The following CAPN2 variants were observed in gnomAD, a reference collection of about 807,000 sequenced individuals.
CAPN2 encodes the protein calpain-2 catalytic subunit.
A neutral mutation model predicts 102.3 loss-of-function variants in CAPN2; 92 were observed. The observed-to-expected ratio is 0.90, with a 90% confidence interval of 0.76 to 1.07. The LOEUF is 1.07. Among genes scored for constraint, CAPN2 ranks in the 50% least tolerant of loss-of-function variants. CAPN2 has a pLI of 0.00. For synonymous variants in CAPN2, 340 were observed against 355.4 expected (o/e 0.96, Z 0.49); for missense variants, 800 against 909.4 (o/e 0.88, Z 1.55).
At chr1:223,712,902 G>A in intron 1 of CAPN2, 25 bp downstream of exon 1, 1 of 1,466,098 alleles carries the variant, frequency 6.8e-7, no homozygotes, top group Non-Finnish European at 9.1e-7. Flanking sequence ...GCAGGACGCG[G>A]GCAGGGCGGG....
chr1:223,769,142 C>CG (rs1414524111), intron 16 of CAPN2, among the ~76,000 whole-genome samples: 1 of 152,048 alleles, frequency 6.6e-6, no homozygotes, highest in African/African-American at 2.4e-5. Flanking sequence ...TTTTTTGAGA[C>CG]GGGGTCTCAC....
intron 12 of CAPN2, among the ~76,000 whole-genome samples, chr1:223,760,258 T>A (rs1222511473): frequency 6.6e-6 from 1 of 152,184 alleles, no homozygotes; most frequent in African/African-American, 2.4e-5. Context: ...GATGACCCCT[T>A]GGACTCTGGG....
Position 223,771,826 on chromosome 1 carries a change from C to A in CAPN2, c.1921C>A (p.Gln641Lys). Residue 641 changes from glutamine (Q) to lysine (K), a missense_variant, in exon 19 of 21, where the codon CAA becomes AAA. Gln to Lys is a moderately conservative substitution (Grantham distance 53). Coordinates refer to ENST00000295006, the MANE Select transcript of CAPN2 (RefSeq NM_001748.5). ...AACTTCAGGTTTCAAGATGCCCTGTCAACTCCACCAAGTCATCGTTGCTCG... is the reference window on the plus strand; with the variant it reads ...AACTTCAGGTTTCAAGATGCCCTGTAAACTCCACCAAGTCATCGTTGCTCG... ...LEEAGFKMPC[Q>K]LHQVIVARFA... 1 of 1,612,840 alleles carries A rather than the reference C, an allele frequency of 6.2e-7. No individual in the cohort carries two copies. The highest frequency in any genetic ancestry group is 1.1e-5 in the South Asian group (1 of 91,052).
chr1:223,704,676 G>A (rs946976437), intron 1 of CAPN2, among the ~76,000 whole-genome samples: 8 of 152,100 alleles, frequency 5.3e-5, no homozygotes, highest in South Asian at 2.1e-4. Context: ...CTGAAATGTC[G>A]GCCCTGCAAT....
chr1:223,709,049 G>A (rs1016606931), upstream of CAPN2, among the ~76,000 whole-genome samples: 3 of 152,174 alleles, frequency 2.0e-5, no homozygotes, highest in South Asian at 4.1e-4. Context: ...GGACAAGTGA[G>A]GGGAAATGAC....
chr1:223,745,210 C>T lies in CAPN2; in HGVS notation c.427-96C>T, dbSNP rs28370053. 2,381 of 1,536,926 alleles carry T rather than the reference C, an allele frequency of 1.5e-3. 29 individuals are homozygous for T. The African/African-American group carries it at 0.027, about 17-fold the overall frequency. On this transcript the variant is annotated intron_variant, in intron 3 of 20. Transcript: ENST00000295006. ...CAGGATGCGCTCATGGAACCTATCCCAGGGGATCAGGGCAAGGGGAGCCAG... is the reference window on the plus strand; with the variant it reads ...CAGGATGCGCTCATGGAACCTATCCTAGGGGATCAGGGCAAGGGGAGCCAG...
rs1199013914 is a variant in CAPN2 at position 223,717,832 on chromosome 1, G to C, written c.307+1G>C. On this transcript the variant is annotated splice_donor_variant, in intron 2 of 20. Transcript: ENST00000295006. LOFTEE classifies it high-confidence loss of function. The stretch of plus-strand genomic sequence containing the variant: ...ACAGACATCTGCCAAGGAGCCCTGG[G>C]TAAGTGATAGATTCAGAGCAAGCTG... 6.2e-7 allele frequency: 1 copy of C among 1,611,316 alleles called. No homozygotes were observed. Among genetic ancestry groups the C allele is most frequent in the Admixed American group, 1.7e-5 (1 of 60,016 alleles).
chr1:223,741,852 C>T (rs1288735492), intron 2 of CAPN2, among the ~76,000 whole-genome samples: 2 of 152,120 alleles, frequency 1.3e-5, no homozygotes, highest in African/African-American at 4.8e-5. Flanking sequence ...TCTTGGCTCA[C>T]TGCAGACTCC....
At chr1:223,749,266 G>T in intron 6 of CAPN2, 144 bp downstream of exon 6, 1 of 676,152 alleles carries the variant, frequency 1.5e-6, no homozygotes. Context: ...GTTCCGCGCG[G>T]GAGGAGAAGG....
In CAPN2 at chr1:223,752,830, C is replaced by T. The variant is rs142874360; in HGVS notation, c.1009C>T (p.Arg337Cys). ...SFSDFLRHYS[R>C]LEICNLTPDT... Reference sequence around the variant, plus strand: ...CAGTGACTTCCTGAGGCACTATTCCCGCCTGGAGATCTGTAACCTGACCCC... The same window carrying T: ...CAGTGACTTCCTGAGGCACTATTCCTGCCTGGAGATCTGTAACCTGACCCC... The change falls in exon 9 of 21, where the codon CGC becomes TGC. Residue 337 changes from arginine (R) to cysteine (C), a missense_variant. Coordinates refer to ENST00000295006, the MANE Select transcript of CAPN2 (RefSeq NM_001748.5). 421 of 1,614,136 alleles carry T rather than the reference C, an allele frequency of 2.6e-4. 3 individuals carry two copies. In the Middle Eastern group the frequency reaches 8.6e-3, roughly 33 times the overall value.
intron 2 of CAPN2, among the ~76,000 whole-genome samples, chr1:223,720,609 G>A (rs1033594672): frequency 2.0e-5 from 3 of 152,002 alleles, no homozygotes; most frequent in Admixed American, 6.6e-5. Flanking sequence ...GAGCCACTGC[G>A]CCCAGCCAAG....
Position 223,752,794 on chromosome 1 carries a change from A to G in CAPN2, c.975-2A>G. 6.2e-7 allele frequency: 1 copy of G among 1,613,994 alleles called. No individual in the cohort carries two copies. The highest frequency in any genetic ancestry group is 8.5e-7 in the Non-Finnish European group (1 of 1,179,910). Reference sequence around the variant, plus strand: ...TGTGATGATTGTCTCTGCTTTTGCCAGGATGTCTTTCAGTGACTTCCTGAG... The same window carrying G: ...TGTGATGATTGTCTCTGCTTTTGCCGGGATGTCTTTCAGTGACTTCCTGAG... On this transcript the variant is annotated splice_acceptor_variant, in intron 8 of 20. Coordinates refer to ENST00000295006, the MANE Select transcript of CAPN2 (RefSeq NM_001748.5). LOFTEE classifies it high-confidence loss of function.
At chr1:223,708,731 A>G (rs1014067052), upstream of CAPN2, among the ~76,000 whole-genome samples, 15 of 152,100 alleles carry the variant, frequency 9.9e-5, no homozygotes, top group East Asian at 2.5e-3. Flanking sequence ...AGATTGCACC[A>G]CTGCACTCCA....
chr1:223,721,299 A>G (rs1660046600), intron 2 of CAPN2, among the ~76,000 whole-genome samples: 1 of 152,208 alleles, frequency 6.6e-6, no homozygotes, highest in Admixed American at 6.5e-5. Flanking sequence ...TCGTGGGGTA[A>G]TAACCACATT....
chr1:223,774,037 A>T (rs1016610321), intron 20 of CAPN2, among the ~76,000 whole-genome samples: 2 of 151,982 alleles, frequency 1.3e-5, no homozygotes, highest in Admixed American at 6.6e-5. Flanking sequence ...TGTCTCAAAA[A>T]ATTTAAAATG....
In CAPN2 at chr1:223,775,037, A is replaced by C; in HGVS notation, c.*180A>C. The C allele has an allele frequency of 1.6e-6, 1 of 621,222 alleles. No individual in the cohort carries two copies. Among genetic ancestry groups the C allele is most frequent in the African/African-American group, 1.8e-5 (1 of 54,404 alleles). 38.5% of individuals were successfully genotyped at this position (621,222 alleles called of 1,614,324 possible). A position where few individuals can be genotyped will look rare whatever the true frequency, so the allele number is the denominator to read the frequency against. The stretch of plus-strand genomic sequence containing the variant: ...AGATAGCAGAAGTTTCACACATCAA[A>C]GTAAAAGATTTGCATATCATTATAC... On this transcript the variant is annotated 3_prime_UTR_variant, in exon 21 of 21. Coordinates refer to ENST00000295006, the MANE Select transcript of CAPN2 (RefSeq NM_001748.5).
chr1:223,717,870 T>C (rs779716972), intron 2 of CAPN2, 39 bp downstream of exon 2: 17 of 1,498,966 alleles, frequency 1.1e-5, no homozygotes, highest in East Asian at 2.3e-5. Flanking sequence ...GGATCTTGTC[T>C]GTAAGGCTGT....
Position 223,759,089 on chromosome 1 carries a change from A to G in CAPN2, c.1318-181A>G. 1.6e-6 allele frequency: 1 copy of G among 628,700 alleles called. No individual in the cohort carries two copies. Among genetic ancestry groups the G allele is most frequent in the Non-Finnish European group, 2.9e-6 (1 of 349,340 alleles). 38.9% of individuals were successfully genotyped at this position (628,700 alleles called of 1,614,324 possible). On this transcript the variant is annotated intron_variant, in intron 11 of 20. Coordinates refer to ENST00000295006, the MANE Select transcript of CAPN2 (RefSeq NM_001748.5). The surrounding 1 kb of genome is among the most constrained non-coding windows in gnomAD (Gnocchi z 4.6). ...TTTGTTGTTGTTGTCGTCGTTATAT[A>G]GATGAGGGCTTCCTGTGTTGCCCAG...
At chr1:223,717,351 A>C (rs188676939) in intron 1 of CAPN2, among the ~76,000 whole-genome samples, 75 of 152,280 alleles carry the variant, frequency 4.9e-4, no homozygotes, top group African/African-American at 1.7e-3. Context: ...GAAAGGAAGG[A>C]ATTTCATGCA....
Sources: allele counts gnomAD v4.1 joint callset (sites outside exome capture counted in the v4.1 genomes callset), GRCh38; gene constraint gnomAD v4.1.1; non-coding constraint Gnocchi (gnomAD v3.1); transcripts MANE v1.5; gene names NCBI Gene and HGNC (gene_info 2026-07-23, HGNC 2026-07-21).